The following PGAP4 variants were observed in gnomAD, a reference collection of about 807,000 sequenced individuals.
PGAP4 encodes GPI-N-acetylgalactosamine transferase PGAP4.
In PGAP4, 12 loss-of-function variants were observed where a neutral mutation model predicts 28.2. The ratio of observed to expected loss-of-function variants is 0.42; its 90% CI spans 0.27 to 0.69. PGAP4 has a LOEUF of 0.69. Among genes scored for constraint, PGAP4 ranks in the 30% least tolerant of loss-of-function variants. The pLI, the probability that PGAP4 is intolerant of heterozygous loss-of-function variation, is 0.22. For missense variants in PGAP4, 425 were observed against 513.5 expected, an observed-to-expected ratio of 0.83 and a Z score of 1.67; for synonymous variants, 205 against 211.8, an observed-to-expected ratio of 0.97 and a Z score of 0.28.
Position 101,477,157 on chromosome 9 carries a change from T to A in PGAP4, c.-65A>T. The A allele has an allele frequency of 6.7e-7, 1 of 1,485,346 alleles. No homozygotes were observed. Among genetic ancestry groups the A allele is most frequent in the Non-Finnish European group, 8.9e-7 (1 of 1,119,584 alleles). The allele number at this position is 1,485,346 out of a possible 1,614,324, so 92.0% of individuals were successfully genotyped here. ...CATCCTGGAACTCAGGCCAGAGTCA[T>A]CAGAAATCAAACCTAAAGAGAGAGG... On this transcript the variant is annotated 5_prime_UTR_variant, in exon 2 of 2. An upstream start codon of the reference 5' UTR is lost. Coordinates refer to ENST00000374848, the MANE Select transcript of PGAP4 (RefSeq NM_032342.3).
intron 2 of PGAP4, among the ~76,000 whole-genome samples, chr9:101,529,151 G>A (rs575729372): frequency 5.1e-5 from 7 of 137,482 alleles, no homozygotes; most frequent in African/African-American, 1.9e-4. Context: ...GGTGTCTCTC[G>A]GCTTTTTTTT....
chr9:101,509,775 A>G (rs1251511060), intron 2 of PGAP4, among the ~76,000 whole-genome samples: 1 of 152,156 alleles, frequency 6.6e-6, no homozygotes, highest in Non-Finnish European at 1.5e-5. Context: ...GCTAGCAAGC[A>G]TTTCTCTATG....
chr9:101,522,999 G>C (rs191481502), intron 2 of PGAP4, among the ~76,000 whole-genome samples: 1 of 152,082 alleles, frequency 6.6e-6, no homozygotes, highest in African/African-American at 2.4e-5. Context: ...AGCTTCACTC[G>C]ACACAAAATT....
At chr9:101,506,203 A>G (rs1024210758) in intron 2 of PGAP4, among the ~76,000 whole-genome samples, 1 of 152,086 alleles carries the variant, frequency 6.6e-6, no homozygotes, top group Non-Finnish European at 1.5e-5. Context: ...AACTATAGTA[A>G]GCCGCTACCA....
intron 2 of PGAP4, among the ~76,000 whole-genome samples, chr9:101,516,832 G>A (rs1826948019): frequency 6.6e-6 from 1 of 152,068 alleles, no homozygotes; most frequent in African/African-American, 2.4e-5. Flanking sequence ...CATCACATGA[G>A]GTTGGTTATC....
upstream of PGAP4, among the ~76,000 whole-genome samples, chr9:101,490,231 C>T (rs76436437): frequency 0.042 from 6,333 of 152,110 alleles, 177 homozygotes; most frequent in Admixed American, 0.079. Context: ...AGTCTGTCGC[C>T]GAGGCTGGAG....
intron 2 of PGAP4, among the ~76,000 whole-genome samples, chr9:101,529,003 T>A (rs970094671): frequency 5.3e-5 from 8 of 152,090 alleles, no homozygotes; most frequent in Non-Finnish European, 1.0e-4. Flanking sequence ...TGTCCATGTG[T>A]TCTCATCACT....
chr9:101,499,561 G>A (rs1186980134), intron 2 of PGAP4, among the ~76,000 whole-genome samples: 1 of 152,076 alleles, frequency 6.6e-6, no homozygotes, highest in Non-Finnish European at 1.5e-5. Flanking sequence ...AATTATTCTT[G>A]ACTACTAAGA....
intron 2 of PGAP4, among the ~76,000 whole-genome samples, chr9:101,504,466 G>A (rs1826832904): frequency 6.6e-6 from 1 of 151,848 alleles, no homozygotes; most frequent in East Asian, 1.9e-4. Context: ...AGGAAAGACT[G>A]CTGATACCTT....
At chr9:101,502,060 G>A (rs545564995) in intron 2 of PGAP4, among the ~76,000 whole-genome samples, 5 of 152,098 alleles carry the variant, frequency 3.3e-5, no homozygotes, top group Admixed American at 2.0e-4. Flanking sequence ...GCTTAGAGTC[G>A]CCCTCTTTCA....
chr9:101,487,231 G>A (rs1231601322), upstream of PGAP4: 7 of 152,278 alleles, frequency 4.6e-5, no homozygotes, highest in Non-Finnish European at 1.0e-4. Context: ...CAACTGATGG[G>A]CAGCCAGGGA....
intron 2 of PGAP4, among the ~76,000 whole-genome samples, chr9:101,514,009 C>CTT (rs75808649): frequency 3.0e-4 from 44 of 145,682 alleles, no homozygotes; most frequent in South Asian, 4.4e-4. Flanking sequence ...CTTTTCTCTT[C>CTT]TTTTTTTTTT....
intron 2 of PGAP4, among the ~76,000 whole-genome samples, chr9:101,509,345 C>T (rs991950361): frequency 2.0e-5 from 3 of 152,130 alleles, no homozygotes; most frequent in Non-Finnish European, 4.4e-5. Context: ...ACTTTATCTG[C>T]CAACTTGAAC....
intron 2 of PGAP4, among the ~76,000 whole-genome samples, chr9:101,514,921 C>T (rs1826930759): frequency 6.6e-6 from 1 of 152,162 alleles, no homozygotes; most frequent in South Asian, 2.1e-4. Flanking sequence ...GACACTTCAA[C>T]TGGCTCTAAG....
At position 101,476,475 on chromosome 9, in the gene PGAP4, G is replaced by A. The variant is rs761244506; in HGVS notation, c.618C>T (p.Tyr206=). ...CAGCATCGTCTTCTACCATCAGGACGTAGTCTGGGTTGTAGGTCTGCAGGG... is the reference window on the plus strand; with the variant it reads ...CAGCATCGTCTTCTACCATCAGGACATAGTCTGGGTTGTAGGTCTGCAGGG... The part of the protein sequence containing the change: ...ESSLQTYNPD[Y]VLMVEDDAVP... Residue 206 remains tyrosine (Y), a synonymous_variant, in exon 2 of 2, where the codon TAC becomes TAT. Transcript: ENST00000374848. This position sits in a 1 kb window ranked among gnomAD's most constrained non-coding sequence, Gnocchi z 7.0. The A allele has an allele frequency of 1.6e-5, 26 of 1,614,066 alleles. No homozygotes were observed. The highest frequency in any genetic ancestry group is 1.6e-4 in the African/African-American group (12 of 74,918).
In PGAP4 at chr9:101,524,000, T is replaced by C. The variant is rs567480337; in HGVS notation, c.-165+7348A>G. 5.3e-4 allele frequency among the ~76,000 whole-genome samples: 80 copies of C among 152,044 alleles called. 1 individual carries two copies. The highest frequency in any genetic ancestry group is 1.8e-3 in the African/African-American group (76 of 41,452). ...ACAAGCCGAACTGCAGTGATTGTTA[T>C]CTCTCTTCTGGGTCTAGGCACCCAG... On this transcript the variant is annotated intron_variant, in intron 2 of 3. Coordinates refer to the PGAP4 transcript ENST00000374851.
chr9:101,533,475 T>C (rs183286581), upstream of PGAP4: 8 of 152,404 alleles, frequency 5.2e-5, no homozygotes, highest in South Asian at 2.1e-4. Flanking sequence ...TGTCTGAGGC[T>C]AGTCATGTCC....
At chr9:101,532,663 G>A (rs965074508) in intron 1 of PGAP4, 3 of 152,188 alleles carry the variant, frequency 2.0e-5, no homozygotes, top group Non-Finnish European at 4.4e-5. Flanking sequence ...TTCGGCAGGT[G>A]TGTCCCCACT....
At chr9:101,493,186 G>A (rs963978341) in intron 2 of PGAP4, among the ~76,000 whole-genome samples, 6 of 151,240 alleles carry the variant, frequency 4.0e-5, no homozygotes, top group South Asian at 2.1e-4. Flanking sequence ...CCTGGGAGGC[G>A]GAGGTTGCAG....
Sources: gnomAD v4.1 joint callset for allele counts (sites outside exome capture counted in the v4.1 genomes callset) on GRCh38, gnomAD v4.1.1 for gene constraint, Gnocchi (gnomAD v3.1) non-coding constraint, MANE v1.5 for transcripts, NCBI Gene and HGNC (gene_info 2026-07-23, HGNC 2026-07-21) for gene names.